Variants in EXOC4 observed in about 807,000 individuals in gnomAD.
EXOC4 encodes the protein exocyst complex component 4.
In EXOC4, 71 loss-of-function variants were observed where a neutral mutation model predicts 107.2. That is an observed-to-expected ratio of 0.66 (90% confidence interval 0.55 to 0.81). The LOEUF (loss-of-function observed/expected upper bound fraction) is 0.81, where lower values mean the gene tolerates loss of function less well. EXOC4 is among the 30% of genes least tolerant of loss of function. The pLI, the probability that EXOC4 is intolerant of heterozygous loss-of-function variation, is 0.00. For missense variants in EXOC4, 1,108 were observed against 1,189.6 expected (o/e 0.93, Z 1.01); for synonymous variants, 456 against 441.2 (o/e 1.03, Z -0.42).
chr7:133,371,387 A>G (rs1421524987), intron 6 of EXOC4, among the ~76,000 whole-genome samples: 1 of 152,170 alleles, frequency 6.6e-6, no homozygotes, highest in Non-Finnish European at 1.5e-5. Flanking sequence ...CCGTATACTT[A>G]TCAGTCAGTT....
chr7:133,921,999 A>G (rs1026619911), intron 13 of EXOC4, among the ~76,000 whole-genome samples: 4 of 151,934 alleles, frequency 2.6e-5, no homozygotes, highest in Admixed American at 6.6e-5. Flanking sequence ...TATCCAGTCT[A>G]TTGCTGAGCC....
intron 10 of EXOC4, among the ~76,000 whole-genome samples, chr7:133,754,350 A>C (rs1245062620): frequency 6.6e-6 from 1 of 152,218 alleles, no homozygotes; most frequent in Non-Finnish European, 1.5e-5. Flanking sequence ...CCCAAACAAA[A>C]ACTGAGAAGG....
At chr7:133,281,648 G>A (rs1794145824) in intron 2 of EXOC4, among the ~76,000 whole-genome samples, 1 of 151,156 alleles carries the variant, frequency 6.6e-6, no homozygotes, top group African/African-American at 2.4e-5. Context: ...ATGCTCAGAG[G>A]CATTTCCTCC....
chr7:133,754,083 T>G (rs1235891346), intron 10 of EXOC4, among the ~76,000 whole-genome samples: 3 of 152,170 alleles, frequency 2.0e-5, no homozygotes, highest in African/African-American at 7.2e-5. Flanking sequence ...TAGTTTATTA[T>G]AATACCCTGG....
chr7:133,587,797 G>A (rs1175419927), intron 9 of EXOC4, among the ~76,000 whole-genome samples: 3 of 152,158 alleles, frequency 2.0e-5, no homozygotes, highest in Non-Finnish European at 2.9e-5. Flanking sequence ...ATCCAGAGAA[G>A]AGTTAAATTT....
At chr7:133,735,261 A>ACAAC (rs1795420552) in intron 10 of EXOC4, among the ~76,000 whole-genome samples, 1 of 140,318 alleles carries the variant, frequency 7.1e-6, no homozygotes, top group South Asian at 2.4e-4. Context: ...AAGTTAAAGT[A>ACAAC]CGGTTTGGTG....
intron 10 of EXOC4, among the ~76,000 whole-genome samples, chr7:133,669,610 G>T (rs1793901089): frequency 6.6e-6 from 1 of 152,242 alleles, no homozygotes; most frequent in African/African-American, 2.4e-5. Flanking sequence ...TAACATGTGA[G>T]AAGATATGTC....
chr7:133,375,875 G>A (rs113129484), intron 7 of EXOC4, among the ~76,000 whole-genome samples: 1 of 152,106 alleles, frequency 6.6e-6, no homozygotes, highest in African/African-American at 2.4e-5. Flanking sequence ...CCATATGTGA[G>A]CAAAATATAT....
chr7:134,097,712 C>G, the EXOC4 span, among the ~76,000 whole-genome samples: 3 of 152,154 alleles, frequency 2.0e-5, no homozygotes, highest in African/African-American at 7.2e-5. Context: ...CACCCAAGTT[C>G]CCAGAAAATC....
At chr7:133,327,144 C>A (rs185259555) in intron 5 of EXOC4, among the ~76,000 whole-genome samples, 2 of 152,354 alleles carry the variant, frequency 1.3e-5, no homozygotes, top group Non-Finnish European at 2.9e-5. Flanking sequence ...TTCTCTGACC[C>A]CTTGTGCTTC....
chr7:133,427,425 A>C (rs1283263921), intron 7 of EXOC4, among the ~76,000 whole-genome samples: 1 of 152,214 alleles, frequency 6.6e-6, no homozygotes, highest in Non-Finnish European at 1.5e-5. Context: ...ATCTTATGGA[A>C]TGCCAGACAC....
intron 5 of EXOC4, among the ~76,000 whole-genome samples, chr7:133,321,035 C>A (rs1052840205): frequency 1.3e-5 from 2 of 152,138 alleles, no homozygotes; most frequent in African/African-American, 4.8e-5. Flanking sequence ...CTTAAAGCTC[C>A]TCTCTCATTT....
At chr7:133,613,602 T>G (rs1802122324) in intron 9 of EXOC4, among the ~76,000 whole-genome samples, 1 of 148,650 alleles carries the variant, frequency 6.7e-6, no homozygotes. Flanking sequence ...GTCATGACAT[T>G]ACAAAAAAAA....
intron 11 of EXOC4, among the ~76,000 whole-genome samples, chr7:133,825,476 A>G (rs1353039405): frequency 2.6e-5 from 4 of 152,182 alleles, no homozygotes; most frequent in African/African-American, 9.6e-5. Flanking sequence ...AGGCTGAGTG[A>G]TTGCTGGAGC....
chr7:133,627,916 T>G (rs2151012797), intron 9 of EXOC4, among the ~76,000 whole-genome samples: 1 of 152,304 alleles, frequency 6.6e-6, no homozygotes, highest in East Asian at 1.9e-4. Flanking sequence ...CTGATGCCTC[T>G]GGGAAGTCCT....
chr7:134,090,232 G>C, the EXOC4 span, among the ~76,000 whole-genome samples: 2 of 152,152 alleles, frequency 1.3e-5, no homozygotes, highest in Non-Finnish European at 2.9e-5. Context: ...CCAGGAATTG[G>C]ACCCTGAACC....
chr7:133,436,513 A>AAC (rs1416891782), intron 7 of EXOC4, among the ~76,000 whole-genome samples: 1 of 152,044 alleles, frequency 6.6e-6, no homozygotes, highest in Non-Finnish European at 1.5e-5. Flanking sequence ...AAAAAAAAAA[A>AAC]ACCCTAATAT....
chr7:133,442,843 C>G (rs537939716), intron 7 of EXOC4, among the ~76,000 whole-genome samples: 58 of 151,880 alleles, frequency 3.8e-4, no homozygotes, highest in Non-Finnish European at 7.5e-4. Flanking sequence ...AATGGTGGTC[C>G]CATTTGTAAT....
chr7:134,011,630 C>CCTTCATTT (rs751204297), intron 17 of EXOC4, among the ~76,000 whole-genome samples: 10 of 152,084 alleles, frequency 6.6e-5, no homozygotes, highest in Non-Finnish European at 1.2e-4. Flanking sequence ...CCCGGTTATT[C>CCTTCATTT]CTTCATTTCT....
Sources: gnomAD v4.1 joint callset for allele counts (sites outside exome capture counted in the v4.1 genomes callset) on GRCh38, gnomAD v4.1.1 for gene constraint, MANE v1.5 for transcripts, NCBI Gene and HGNC (gene_info 2026-07-23, HGNC 2026-07-21) for gene names.